Variants in MCM3AP observed in about 807,000 individuals in gnomAD.
The protein encoded by MCM3AP is germinal-center associated nuclear protein.
MCM3AP carries 126 observed loss-of-function variants against 184.1 expected under a neutral mutation model. That is an observed-to-expected ratio of 0.68 (90% CI 0.59 to 0.79). The LOEUF is 0.79. Ranked by LOEUF, MCM3AP falls within the 30% of genes least tolerant of loss-of-function variation. The probability of loss-of-function intolerance (pLI) is 0.00; values close to 1 mark genes in which losing one functional copy is unlikely to be tolerated. For synonymous variants in MCM3AP, 1,002 were observed against 979.3 expected, an observed-to-expected ratio of 1.02 and a Z score of -0.43; for missense variants, 2,496 against 2,479.2, an observed-to-expected ratio of 1.01 and a Z score of -0.14.
intron 15 of MCM3AP, among the ~76,000 whole-genome samples, chr21:46,260,026 A>C (rs1046201284): frequency 6.6e-6 from 1 of 152,040 alleles, no homozygotes; most frequent in Non-Finnish European, 1.5e-5. Context: ...CAGTGAACCC[A>C]GATCACGCCA....
intron 26 of MCM3AP, among the ~76,000 whole-genome samples, chr21:46,239,573 G>A (rs555541591): frequency 5.0e-4 from 76 of 152,306 alleles, no homozygotes; most frequent in African/African-American, 1.7e-3. Context: ...GAAGAAAGCC[G>A]GGAACTGGAT....
chr21:46,261,142 C>A, intron 14 of MCM3AP, 138 bp downstream of exon 14: 1 of 1,144,292 alleles, frequency 8.7e-7, no homozygotes. Flanking sequence ...TGGGCTGAAG[C>A]ATAGGAGGGC....
Position 46,237,171 on chromosome 21 carries a change from G to A in MCM3AP, c.5634-192C>T, listed in dbSNP as rs8127105. ...GGCTGGAGTGCAGTGGCATAATCTC[G>A]GGTCAGTGCAACCTCTGCCTCCCAG... On this transcript the variant is annotated intron_variant, in intron 26 of 27. Coordinates refer to ENST00000291688, the MANE Select transcript of MCM3AP (RefSeq NM_003906.5). Among the ~76,000 whole-genome samples, 10,875 of 145,010 alleles carry A rather than the reference G, an allele frequency of 0.075. 608 individuals carry two copies. Among genetic ancestry groups the A allele is most frequent in the African/African-American group, 0.16 (6,116 of 39,114 alleles).
chr21:46,249,880 A>C (rs947559101), intron 20 of MCM3AP: 1 of 198,710 alleles, frequency 5.0e-6, no homozygotes, highest in Non-Finnish European at 1.0e-5. Context: ...AAGTAACAGT[A>C]CCCATACACA....
In MCM3AP at chr21:46,240,798, A is replaced by C; in HGVS notation, c.5633+13T>G. ...GACTAAACACACATGAATTAGAAGGAAGTGGGCTTCACCTCTTGTTCTCTT... is the reference window on the plus strand; with the variant it reads ...GACTAAACACACATGAATTAGAAGGCAGTGGGCTTCACCTCTTGTTCTCTT... On this transcript the variant is annotated intron_variant, in intron 26 of 27. Transcript: ENST00000291688. 1 of 1,611,822 alleles carries C rather than the reference A, an allele frequency of 6.2e-7. No individual in the cohort carries two copies. The highest frequency in any genetic ancestry group is 8.5e-7 in the Non-Finnish European group (1 of 1,178,552).
chr21:46,284,986 T>C lies in MCM3AP; in HGVS notation c.301A>G (p.Ser101Gly). Residue 101 changes from serine (S) to glycine (G), a missense_variant, in exon 1 of 28, where the codon AGT becomes GGT. By Grantham distance (56) the Ser-to-Gly change is moderately conservative (BLOSUM62 0). Around this residue, in one of 5 missense-constraint regions of MCM3AP, gnomAD observed 800 missense variants for 717.1 expected, o/e 1.12. Coordinates refer to ENST00000291688, the MANE Select transcript of MCM3AP (RefSeq NM_003906.5). Reference sequence around the variant, plus strand: ...CCTGTGTTTCCCAGCACAGATGAACTTGAAGGCCCAGAGGTAGCCACAAAG... The same window carrying C: ...CCTGTGTTTCCCAGCACAGATGAACCTGAAGGCCCAGAGGTAGCCACAAAG... The part of the protein sequence containing the change: ...STFVATSGPS[S>G]SSVLGNTGFS... The C allele has an allele frequency of 6.2e-7, 1 of 1,614,144 alleles. No homozygotes were observed. Among genetic ancestry groups the C allele is most frequent in the Non-Finnish European group, 8.5e-7 (1 of 1,180,036 alleles).
chr21:46,277,639 G>T lies in MCM3AP; in HGVS notation c.1746C>A (p.Ser582=). The T allele has an allele frequency of 6.2e-7, 1 of 1,611,528 alleles. No individual in the cohort carries two copies. Among genetic ancestry groups the T allele is most frequent in the Non-Finnish European group, 8.5e-7 (1 of 1,178,858 alleles). ...AGAGCACACATGGCCCGAGGCCCTC[G>T]GAGCCCTCGGAGGCTGAGTCAAAAG... ...GDSFDSASEG[S]EGLGPCVLSL... Residue 582 remains serine (S), a synonymous_variant, in exon 5 of 28, where the codon TCC becomes TCA. Transcript: ENST00000291688.
At position 46,283,850 on chromosome 21, in the gene MCM3AP, G is replaced by C; in HGVS notation, c.1220-12C>G. 5 of 1,603,910 alleles carry C rather than the reference G, an allele frequency of 3.1e-6. No individual in the cohort carries two copies. The highest frequency in any genetic ancestry group is 4.3e-6 in the Non-Finnish European group (5 of 1,172,356). Reference sequence around the variant, plus strand: ...TCCTCTTAGAGAATCTAGGGGTTCAGAGAATGGACACTTAAACCATCAGAT... The same window carrying C: ...TCCTCTTAGAGAATCTAGGGGTTCACAGAATGGACACTTAAACCATCAGAT... On this transcript the variant is annotated splice_polypyrimidine_tract_variant and intron_variant, in intron 1 of 27. Transcript: ENST00000291688.
intron 2 of MCM3AP, among the ~76,000 whole-genome samples, chr21:46,283,202 A>G (rs964972208): frequency 1.3e-5 from 2 of 152,170 alleles, no homozygotes; most frequent in African/African-American, 2.4e-5. Flanking sequence ...TGGGACTACA[A>G]GCGTAAGCCA....
intron 20 of MCM3AP, among the ~76,000 whole-genome samples, chr21:46,248,657 AG>A (rs1034523918): frequency 1.3e-5 from 2 of 152,212 alleles, no homozygotes; most frequent in African/African-American, 4.8e-5. Flanking sequence ...CGTGAACCAA[AG>A]AAAACTTAGA....
chr21:46,236,776 T>C (rs1301017316), intron 27 of MCM3AP, 53 bp downstream of exon 27: 2 of 1,249,184 alleles, frequency 1.6e-6, no homozygotes, highest in East Asian at 5.5e-5. Context: ...TCCCCAGCCA[T>C]TCTCTCAATC....
intron 2 of MCM3AP, among the ~76,000 whole-genome samples, chr21:46,283,317 A>G (rs2081357019): frequency 6.6e-6 from 1 of 152,196 alleles, no homozygotes; most frequent in Non-Finnish European, 1.5e-5. Flanking sequence ...TCAACTTCCA[A>G]AAGTACTATG....
At chr21:46,270,882 T>A (rs1201007933) in intron 8 of MCM3AP, among the ~76,000 whole-genome samples, 1 of 152,202 alleles carries the variant, frequency 6.6e-6, no homozygotes, top group Non-Finnish European at 1.5e-5. Flanking sequence ...ATTCATAGTT[T>A]ACTAACTACC....
intron 9 of MCM3AP, among the ~76,000 whole-genome samples, chr21:46,269,796 C>T (rs757589811): frequency 9.8e-5 from 15 of 152,332 alleles, no homozygotes; most frequent in African/African-American, 1.4e-4. Context: ...TTGCACTGAA[C>T]GGAATCATGC....
At chr21:46,280,812 C>CT (rs5844262) in intron 2 of MCM3AP, among the ~76,000 whole-genome samples, 60,632 of 148,458 alleles carry the variant, frequency 0.41, 12,687 homozygotes, top group Admixed American at 0.48. Context: ...CTCTTTCCCC[C>CT]TTTTTTTTTT....
intron 13 of MCM3AP, among the ~76,000 whole-genome samples, chr21:46,263,780 C>CAAAAAAAAAAAAAAAAAAA (rs57674256): frequency 1.4e-4 from 4 of 28,330 alleles, no homozygotes; most frequent in African/African-American, 3.6e-4. Flanking sequence ...GACTCCATCT[C>CAAAAAAAAAAAAAAAAAAA]AAAAAAAAAA....
intron 13 of MCM3AP, among the ~76,000 whole-genome samples, chr21:46,262,965 CAAAAAAAA>C (rs34666984): frequency 2.2e-5 from 1 of 45,734 alleles, no homozygotes; most frequent in Admixed American, 3.5e-4. Flanking sequence ...GACTCCGTCT[CAAAAAAAA>C]AAAAAAAAAA....
chr21:46,254,636 G>T, intron 18 of MCM3AP, 110 bp from the exon 19 acceptor site: 1 of 1,463,344 alleles, frequency 6.8e-7, no homozygotes, highest in East Asian at 2.3e-5. Context: ...CAGGTTCAGA[G>T]ATTGAACTGC....
intron 5 of MCM3AP, among the ~76,000 whole-genome samples, chr21:46,275,600 G>A (rs1421042170): frequency 6.6e-6 from 1 of 151,884 alleles, no homozygotes; most frequent in Non-Finnish European, 1.5e-5. Flanking sequence ...AGACCCCCGA[G>A]TCACCTCTCC....
Sources: allele counts gnomAD v4.1 joint callset (sites outside exome capture counted in the v4.1 genomes callset), GRCh38; gene constraint gnomAD v4.1.1; regional missense constraint gnomAD v4.1.1; transcripts MANE v1.5; gene names NCBI Gene and HGNC (gene_info 2026-07-23, HGNC 2026-07-21).